Variants in ESYT2 observed in about 807,000 individuals in gnomAD.
ESYT2 encodes extended synaptotagmin 2, also known as extended synaptotagmin-2.
A neutral mutation model predicts 107.2 loss-of-function variants in ESYT2; 54 were observed. That is an observed-to-expected ratio of 0.50 (90% CI 0.40 to 0.63). ESYT2 has a LOEUF of 0.63. ESYT2 is among the 30% of genes least tolerant of loss of function. The probability of loss-of-function intolerance (pLI) is 0.00; values close to 1 mark genes in which losing one functional copy is unlikely to be tolerated. For missense variants in ESYT2, 1,020 were observed against 1,094.5 expected (o/e 0.93, Z 0.96); for synonymous variants, 491 against 434.1 (o/e 1.13, Z -1.63).
At chr7:158,804,758 G>A (rs1008947949) in intron 1 of ESYT2, among the ~76,000 whole-genome samples, 2 of 151,734 alleles carry the variant, frequency 1.3e-5, no homozygotes, top group Non-Finnish European at 2.9e-5. Context: ...AAACTGCCGA[G>A]AAAGGTGAGG....
Position 158,734,031 on chromosome 7 carries a change from T to G in ESYT2, c.*176A>C. Reference sequence around the variant, plus strand: ...CCTAGAGGAAATCCAACACAGAAAATTCAATGATAATATTGGCCAAATTTG... The same window carrying G: ...CCTAGAGGAAATCCAACACAGAAAAGTCAATGATAATATTGGCCAAATTTG... On this transcript the variant is annotated 3_prime_UTR_variant, in exon 23 of 23. Transcript: ENST00000275418. The G allele has an allele frequency of 1.4e-6, 1 of 711,896 alleles. No individual in the cohort carries two copies. Among genetic ancestry groups the G allele is most frequent in the South Asian group, 1.9e-5 (1 of 51,400 alleles). The allele number at this position is 711,896 out of a possible 1,614,324, so 44.1% of individuals were successfully genotyped here. A position where few individuals can be genotyped will look rare whatever the true frequency, so the allele number is the denominator to read the frequency against.
At chr7:158,807,302 ATC>A (rs1839859761) in intron 1 of ESYT2, among the ~76,000 whole-genome samples, 1 of 151,970 alleles carries the variant, frequency 6.6e-6, no homozygotes, top group African/African-American at 2.4e-5. Context: ...AATACTAAAA[ATC>A]TATCTACATG....
intron 6 of ESYT2, among the ~76,000 whole-genome samples, chr7:158,785,121 A>G (rs565814983): frequency 6.6e-6 from 1 of 152,256 alleles, no homozygotes; most frequent in South Asian, 2.1e-4. Context: ...TTTTCTCCTT[A>G]CTGATAATTC....
intron 1 of ESYT2, among the ~76,000 whole-genome samples, chr7:158,827,096 G>A (rs1840477943): frequency 1.3e-5 from 2 of 151,180 alleles, no homozygotes; most frequent in South Asian, 2.1e-4. Flanking sequence ...CCTGGAGGCG[G>A]AGGTTGTAGT....
rs112654098 is a variant in ESYT2 at position 158,742,150 on chromosome 7, G to A, written c.1795-254C>T. 9.0e-3 allele frequency among the ~76,000 whole-genome samples: 1,370 copies of A among 152,248 alleles called. 18 individuals carry two copies. The highest frequency in any genetic ancestry group is 0.03 in the African/African-American group (1,226 of 41,554). ...AGCTCTTCACAGGGGTGACCATCGCGCACTACACCACAAGCTCCTGGCCTC... is the reference window on the plus strand; with the variant it reads ...AGCTCTTCACAGGGGTGACCATCGCACACTACACCACAAGCTCCTGGCCTC... On this transcript the variant is annotated intron_variant, in intron 17 of 22. Transcript: ENST00000275418.
At chr7:158,798,985 C>T in intron 2 of ESYT2, 46 bp downstream of exon 2, 1 of 1,558,680 alleles carries the variant, frequency 6.4e-7, no homozygotes. Flanking sequence ...GGTATCTCAT[C>T]CTCCAATTCC....
intron 1 of ESYT2, among the ~76,000 whole-genome samples, chr7:158,813,925 A>G (rs187983858): frequency 6.6e-6 from 1 of 152,278 alleles, no homozygotes; most frequent in African/African-American, 2.4e-5. Flanking sequence ...AAAATGTTTA[A>G]AAAATATACG....
intron 17 of ESYT2, 105 bp downstream of exon 17, chr7:158,743,424 G>T: frequency 1.4e-6 from 2 of 1,446,938 alleles, no homozygotes; most frequent in Non-Finnish European, 1.9e-6. Context: ...AGCTGCAGCC[G>T]ACACAGAGCT....
intron 13 of ESYT2, 119 bp downstream of exon 13, chr7:158,759,366 GA>G: frequency 1.3e-6 from 1 of 743,022 alleles, no homozygotes; most frequent in Non-Finnish European, 2.2e-6. Flanking sequence ...ACTTGGACGT[GA>G]AGTGAAAACA....
Position 158,741,647 on chromosome 7 carries a change from A to G in ESYT2, c.2044T>C (p.Ser682Pro). ...PQGLHDLGRS[S>P]SSLLASPGHI... ...CCTGGGGAGGCCAGGAGGCTGGAGG[A>G]GCTTCTGCCCAGGTCGTGCAGCCCC... The change falls in exon 18 of 23, where the codon TCC (serine) becomes CCC (proline). Residue 682 changes from serine (S) to proline (P), a missense_variant. Ser to Pro is a moderately conservative substitution (Grantham distance 74, BLOSUM62 -1). Coordinates refer to ENST00000275418, the MANE Select transcript of ESYT2 (RefSeq NM_001367773.1). 2 of 1,613,648 alleles carry G rather than the reference A, an allele frequency of 1.2e-6. No individual in the cohort carries two copies. Among genetic ancestry groups the G allele is most frequent in the Non-Finnish European group, 1.7e-6 (2 of 1,179,948 alleles).
intron 6 of ESYT2, among the ~76,000 whole-genome samples, 178 bp from the exon 7 acceptor site, chr7:158,773,574 T>A (rs1294136539): frequency 6.6e-6 from 1 of 152,218 alleles, no homozygotes; most frequent in Admixed American, 6.5e-5. Context: ...GAGACCTGCC[T>A]CTTTTTGTTT....
intron 1 of ESYT2, among the ~76,000 whole-genome samples, chr7:158,810,439 G>C (rs749052162): frequency 6.6e-6 from 1 of 152,208 alleles, no homozygotes; most frequent in Non-Finnish European, 1.5e-5. Flanking sequence ...CCAGCACTGT[G>C]GAGGAAAGCT....
At chr7:158,740,843 C>T (rs1340622457) in intron 18 of ESYT2, among the ~76,000 whole-genome samples, 11 of 152,136 alleles carry the variant, frequency 7.2e-5, no homozygotes, top group Admixed American at 1.3e-4. Context: ...CTCAGAAGCA[C>T]CTTTGCCTCC....
At chr7:158,750,856 G>A (rs1837562038) in intron 14 of ESYT2, among the ~76,000 whole-genome samples, 2 of 152,198 alleles carry the variant, frequency 1.3e-5, no homozygotes. Context: ...CCCCACAGGA[G>A]GCTGTGTCCC....
chr7:158,771,921 C>A (rs975025112), intron 7 of ESYT2, among the ~76,000 whole-genome samples: 1 of 152,122 alleles, frequency 6.6e-6, no homozygotes, highest in African/African-American at 2.4e-5. Flanking sequence ...GAGTTCAAGA[C>A]CAGCCTGGCC....
rs942851489 is a variant in ESYT2, at chr7:158,739,199, T to C, written c.2169-78A>G. On this transcript the variant is annotated intron_variant, in intron 18 of 22. Coordinates refer to ENST00000275418, the MANE Select transcript of ESYT2 (RefSeq NM_001367773.1). ...TGATTCATTGGTCCACTGTACACGA[T>C]AAAATAATTTCTATTCATTTAGACA... The C allele has an allele frequency of 5.0e-6, 6 of 1,202,270 alleles. No homozygotes were observed. The African/African-American group carries it at 9.2e-5, about 18-fold the overall frequency. 74.5% of individuals were successfully genotyped at this position (1,202,270 alleles called of 1,614,324 possible). A position where few individuals can be genotyped will look rare whatever the true frequency, so the allele number is the denominator to read the frequency against.
At chr7:158,825,646 A>G (rs1840418311) in intron 1 of ESYT2, among the ~76,000 whole-genome samples, 1 of 152,230 alleles carries the variant, frequency 6.6e-6, no homozygotes, top group Admixed American at 6.5e-5. Context: ...ATCCAGCTTC[A>G]GTTTTTACTC....
At chr7:158,734,332 A>G (rs1587360362) in intron 22 of ESYT2, 80 bp from the exon 23 acceptor site, 1 of 1,607,650 alleles carries the variant, frequency 6.2e-7, no homozygotes, top group African/African-American at 1.3e-5. Context: ...GTCGGGTTCC[A>G]CCACTGTCTG....
chr7:158,743,495 C>A, intron 17 of ESYT2, 34 bp downstream of exon 17: 1 of 1,583,318 alleles, frequency 6.3e-7, no homozygotes, highest in Non-Finnish European at 8.5e-7. Flanking sequence ...GCCTCCCCAT[C>A]CCCTATGGTG....
Sources: allele counts gnomAD v4.1 joint callset (sites outside exome capture counted in the v4.1 genomes callset), GRCh38; gene constraint gnomAD v4.1.1; transcripts MANE v1.5; gene names NCBI Gene and HGNC (gene_info 2026-07-23, HGNC 2026-07-21).